The following ANKRD13C variants were observed in gnomAD, a reference collection of about 807,000 sequenced individuals.
ANKRD13C encodes ankyrin repeat domain-containing protein 13C.
ANKRD13C carries 16 observed loss-of-function variants against 65.5 expected under a neutral mutation model. That is an observed-to-expected ratio of 0.24 (90% CI 0.17 to 0.37). ANKRD13C has a LOEUF of 0.37. ANKRD13C is among the 10% of genes least tolerant of loss of function. The pLI, the probability that ANKRD13C is intolerant of heterozygous loss-of-function variation, is 1.00. For missense variants in ANKRD13C, 503 were observed against 655.9 expected, an observed-to-expected ratio of 0.77 and a Z score of 2.55; for synonymous variants, 235 against 238.7, an observed-to-expected ratio of 0.98 and a Z score of 0.14.
At chr1:70,330,434 T>A (rs1049204345) in intron 2 of ANKRD13C, among the ~76,000 whole-genome samples, 1 of 151,996 alleles carries the variant, frequency 6.6e-6, no homozygotes, top group Non-Finnish European at 1.5e-5. Flanking sequence ...GGCATGCGCC[T>A]GTAATCCCGG....
At chr1:70,315,233 T>C (rs926800800) in intron 4 of ANKRD13C, among the ~76,000 whole-genome samples, 1 of 152,142 alleles carries the variant, frequency 6.6e-6, no homozygotes, top group Non-Finnish European at 1.5e-5. Context: ...GTGACTTACC[T>C]CCTTTTTTTT....
intron 5 of ANKRD13C, among the ~76,000 whole-genome samples, chr1:70,311,911 T>A (rs1680865579): frequency 6.6e-6 from 1 of 152,180 alleles, no homozygotes; most frequent in African/African-American, 2.4e-5. Flanking sequence ...CTGATTTGTA[T>A]CTAAAAGCTC....
At chr1:70,267,982 C>T (rs1206184500) in intron 12 of ANKRD13C, among the ~76,000 whole-genome samples, 3 of 152,150 alleles carry the variant, frequency 2.0e-5, no homozygotes, top group Non-Finnish European at 4.4e-5. Flanking sequence ...TTTCAAATAG[C>T]TTGGCTGTGA....
At chr1:70,282,637 G>C (rs1679448444) in intron 9 of ANKRD13C, among the ~76,000 whole-genome samples, 1 of 152,204 alleles carries the variant, frequency 6.6e-6, no homozygotes, top group African/African-American at 2.4e-5. Context: ...CTTATCAGTA[G>C]AATGACGAAG....
In ANKRD13C at chr1:70,354,504, G is replaced by A; in HGVS notation, c.-96C>T. On this transcript the variant is annotated 5_prime_UTR_variant, in exon 1 of 13. Coordinates refer to ENST00000370944, the MANE Select transcript of ANKRD13C (RefSeq NM_030816.5). ...ACAAGGCGATTAGAGCGGTGGCCAAGAGCCTCCAGCGCAGCATGAACTCCC... is the reference window on the plus strand; with the variant it reads ...ACAAGGCGATTAGAGCGGTGGCCAAAAGCCTCCAGCGCAGCATGAACTCCC... 1 of 1,473,254 alleles carries A rather than the reference G, an allele frequency of 6.8e-7. No homozygotes were observed. Among genetic ancestry groups the A allele is most frequent in the Non-Finnish European group, 9.0e-7 (1 of 1,116,824 alleles). 91.3% of individuals were successfully genotyped at this position (1,473,254 alleles called of 1,614,324 possible). A position where few individuals can be genotyped will look rare whatever the true frequency, so the allele number is the denominator to read the frequency against.
At chr1:70,336,023 G>A (rs766160654) in intron 2 of ANKRD13C, 35 bp downstream of exon 2, 2 of 697,592 alleles carry the variant, frequency 2.9e-6, no homozygotes, top group Admixed American at 8.4e-5. Flanking sequence ...ATATATAAAT[G>A]AAGTTAAACA....
intron 8 of ANKRD13C, 81 bp from the exon 9 acceptor site, chr1:70,292,630 T>C (rs1679909218): frequency 3.0e-6 from 3 of 1,010,526 alleles, no homozygotes; most frequent in Non-Finnish European, 4.3e-6. Context: ...CATAAATATG[T>C]AACATGTAGG....
chr1:70,316,706 T>A (rs1365215359), intron 3 of ANKRD13C, among the ~76,000 whole-genome samples: 11 of 152,048 alleles, frequency 7.2e-5, no homozygotes, highest in Admixed American at 7.2e-4. Context: ...ATACAATTTT[T>A]ATCTATTAGA....
chr1:70,335,316 G>C (rs1266344345), intron 2 of ANKRD13C, among the ~76,000 whole-genome samples: 1 of 151,250 alleles, frequency 6.6e-6, no homozygotes, highest in African/African-American at 2.4e-5. Context: ...TGACGCAGGA[G>C]AATTGCTTAA....
At chr1:70,323,776 G>T (rs763907182) in intron 3 of ANKRD13C, among the ~76,000 whole-genome samples, 1 of 150,176 alleles carries the variant, frequency 6.7e-6, no homozygotes, top group African/African-American at 2.4e-5. Flanking sequence ...CCGGGCTGGA[G>T]TGCAATGGTG....
At chr1:70,304,217 A>G (rs1290924607) in intron 6 of ANKRD13C, among the ~76,000 whole-genome samples, 1 of 150,764 alleles carries the variant, frequency 6.6e-6, no homozygotes. Context: ...AATTTTTTGT[A>G]TTTTTCGTAT....
chr1:70,354,157 G>C lies in ANKRD13C; in HGVS notation c.252C>G (p.Ser84=). Residue 84 remains serine (S), a synonymous_variant, in exon 1 of 13, where the codon TCC becomes TCG. Coordinates refer to ENST00000370944, the MANE Select transcript of ANKRD13C (RefSeq NM_030816.5). Reference sequence around the variant, plus strand: ...CCGGGGACTGGGAGTTGGCAGTCACGGAGGAATTGTGCAGCGGCAGAGCCG... The same window carrying C: ...CCGGGGACTGGGAGTTGGCAGTCACCGAGGAATTGTGCAGCGGCAGAGCCG... The part of the protein sequence containing the change: ...GAPALPLHNS[S]VTANSQSPAL... 3 of 1,614,150 alleles carry C rather than the reference G, an allele frequency of 1.9e-6. No individual in the cohort carries two copies. Among genetic ancestry groups the C allele is most frequent in the Non-Finnish European group, 2.5e-6 (3 of 1,180,016 alleles).
chr1:70,319,707 G>C (rs1031510031), intron 3 of ANKRD13C, among the ~76,000 whole-genome samples: 1 of 148,080 alleles, frequency 6.8e-6, no homozygotes, highest in African/African-American at 2.5e-5. Context: ...TCGCACAGTA[G>C]AATGCCTTTA....
At chr1:70,308,586 A>T (rs1453877081) in intron 5 of ANKRD13C, among the ~76,000 whole-genome samples, 1 of 152,000 alleles carries the variant, frequency 6.6e-6, no homozygotes, top group African/African-American at 2.4e-5. Flanking sequence ...AAAAATAGAA[A>T]AAATTAGCCA....
intron 9 of ANKRD13C, among the ~76,000 whole-genome samples, chr1:70,291,097 A>G (rs545203611): frequency 6.6e-5 from 10 of 152,008 alleles, no homozygotes; most frequent in African/African-American, 2.4e-4. Context: ...CAATGGCGCA[A>G]TCTCAGCTCC....
At chr1:70,265,283 A>G (rs1558256233) in intron 12 of ANKRD13C, among the ~76,000 whole-genome samples, 1 of 152,170 alleles carries the variant, frequency 6.6e-6, no homozygotes, top group Non-Finnish European at 1.5e-5. Context: ...GAAGAAAACC[A>G]AGAGAGAGTC....
intron 1 of ANKRD13C, among the ~76,000 whole-genome samples, chr1:70,348,444 T>G (rs1682619508): frequency 6.6e-6 from 1 of 152,186 alleles, no homozygotes; most frequent in African/African-American, 2.4e-5. Flanking sequence ...GTTTTGTATT[T>G]TTAGTAGAAA....
At chr1:70,264,475 CAAAAAAAAAAA>C (rs57312096) in intron 12 of ANKRD13C, among the ~76,000 whole-genome samples, 7 of 48,930 alleles carry the variant, frequency 1.4e-4, no homozygotes, top group Non-Finnish European at 2.9e-4. Flanking sequence ...GACTCTATCT[CAAAAAAAAAAA>C]AAAAAAAAAA....
chr1:70,336,082 G>C lies in ANKRD13C; in HGVS notation c.448C>G (p.Leu150Val). The stretch of plus-strand genomic sequence containing the variant: ...CCTTTATTTCCTAACATCACAGCAA[G>C]GTGTAAAGGAGTATTTCCTAAAAAA... ...KDNHGNTPLHLAVMLGNKECA... is the reference protein window; with the variant it reads ...KDNHGNTPLHVAVMLGNKECA... The change falls in exon 2 of 13, where the codon CTT (leucine) becomes GTT (valine). Residue 150 changes from leucine (L) to valine (V), a missense_variant. Around this residue, in one of 2 missense-constraint regions of ANKRD13C, gnomAD observed 300 missense variants for 478.3 expected, o/e 0.63. Coordinates refer to ENST00000370944, the MANE Select transcript of ANKRD13C (RefSeq NM_030816.5). 1.3e-6 allele frequency: 1 copy of C among 798,160 alleles called. No individual in the cohort carries two copies. The highest frequency in any genetic ancestry group is 1.7e-6 in the Non-Finnish European group (1 of 575,818). 49.4% of individuals were successfully genotyped at this position (798,160 alleles called of 1,614,324 possible). A position where few individuals can be genotyped will look rare whatever the true frequency, so the allele number is the denominator to read the frequency against.
Sources: gnomAD v4.1 joint callset for allele counts (sites outside exome capture counted in the v4.1 genomes callset) on GRCh38, gnomAD v4.1.1 for gene constraint, gnomAD v4.1.1 regional missense constraint, MANE v1.5 for transcripts, NCBI Gene and HGNC (gene_info 2026-07-23, HGNC 2026-07-21) for gene names.